The following LGSN variants were observed in gnomAD, a reference collection of about 807,000 sequenced individuals.
LGSN encodes lengsin, lens protein with glutamine synthetase domain, also known as lengsin.
A neutral mutation model predicts 19.5 loss-of-function variants in LGSN; 21 were observed. That is an observed-to-expected ratio of 1.07 (90% confidence interval 0.76 to 1.55). The LOEUF (loss-of-function observed/expected upper bound fraction) is 1.55, where lower values mean the gene tolerates loss of function less well. Ranked by LOEUF, LGSN falls within the 40% of genes most tolerant of loss-of-function variation. The pLI is 0.00. For missense variants in LGSN, 673 were observed against 608.5 expected (o/e 1.11, Z -1.12); for synonymous variants, 257 against 215.6 (o/e 1.19, Z -1.68).
chr6:63,463,661 C>T, the LGSN span, among the ~76,000 whole-genome samples: 1 of 152,118 alleles, frequency 6.6e-6, no homozygotes, highest in South Asian at 2.1e-4. Flanking sequence ...TTTGGGAAAC[C>T]ATGTTGCTGG....
At chr6:63,391,782 C>G in the LGSN span, among the ~76,000 whole-genome samples, 1 of 152,076 alleles carries the variant, frequency 6.6e-6, no homozygotes, top group African/African-American at 2.4e-5. Context: ...TAAGTCATTG[C>G]TGGTCCAGAA....
At chr6:63,443,644 C>G in the LGSN span, 11 of 857,932 alleles carry the variant, frequency 1.3e-5, no homozygotes, top group South Asian at 4.9e-4. Flanking sequence ...GAATTGGGCT[C>G]TGCTGGACAC....
At chr6:63,552,079 A>C in the LGSN span, among the ~76,000 whole-genome samples, 6 of 152,174 alleles carry the variant, frequency 3.9e-5, no homozygotes, top group Non-Finnish European at 8.8e-5. Context: ...GGCTGGGTCA[A>C]ATGGTATTTC....
the LGSN span, chr6:63,441,567 C>A: frequency 2.3e-6 from 1 of 437,162 alleles, no homozygotes. Flanking sequence ...GGAAGTAGAA[C>A]GAGAGGCAGA....
chr6:63,435,924 A>G, the LGSN span, among the ~76,000 whole-genome samples: 64 of 144,900 alleles, frequency 4.4e-4, no homozygotes, highest in African/African-American at 1.6e-3. Flanking sequence ...AAAAAAAAAA[A>G]AAAGAAAAAC....
chr6:63,423,841 C>A, the LGSN span, among the ~76,000 whole-genome samples: 1 of 152,110 alleles, frequency 6.6e-6, no homozygotes, highest in Admixed American at 6.6e-5. Context: ...AGTTCGAGAC[C>A]ATCCTGGCCA....
chr6:63,567,912 C>T, the LGSN span, among the ~76,000 whole-genome samples: 1 of 152,182 alleles, frequency 6.6e-6, no homozygotes, highest in Non-Finnish European at 1.5e-5. Context: ...AGGGAGAGGG[C>T]TTCTACTCTT....
the LGSN span, among the ~76,000 whole-genome samples, chr6:63,474,404 C>T: frequency 2.6e-5 from 4 of 151,132 alleles, no homozygotes; most frequent in South Asian, 2.1e-4. Flanking sequence ...GTCAGGAGAT[C>T]GAGACCATCC....
the LGSN span, among the ~76,000 whole-genome samples, chr6:63,566,754 T>A: frequency 6.6e-6 from 1 of 152,286 alleles, no homozygotes; most frequent in Non-Finnish European, 1.5e-5. Context: ...GCTGCATTGA[T>A]GACTCCACAA....
the LGSN span, among the ~76,000 whole-genome samples, chr6:63,364,593 A>T: frequency 3.9e-5 from 6 of 152,226 alleles, no homozygotes; most frequent in African/African-American, 9.6e-5. Flanking sequence ...AACCTAATAG[A>T]CATCTACATA....
chr6:63,381,420 C>T, the LGSN span, among the ~76,000 whole-genome samples: 2 of 152,154 alleles, frequency 1.3e-5, no homozygotes, highest in Non-Finnish European at 2.9e-5. Flanking sequence ...AAATGCTTGA[C>T]CTTGGTACTG....
At chr6:63,495,036 T>C in the LGSN span, among the ~76,000 whole-genome samples, 1 of 152,202 alleles carries the variant, frequency 6.6e-6, no homozygotes, top group Non-Finnish European at 1.5e-5. Context: ...TTTCATTGTC[T>C]ATTAACCTAT....
chr6:63,296,656 G>A (rs1250623658), intron 1 of LGSN, among the ~76,000 whole-genome samples: 1 of 151,964 alleles, frequency 6.6e-6, no homozygotes, highest in Non-Finnish European at 1.5e-5. Flanking sequence ...AAGGAATTGG[G>A]TGACATAAAC....
rs570166650 is a variant in LGSN, at chr6:63,276,867, T to C, written c.*3154A>G. 6.6e-6 allele frequency: 1 copy of C among 152,308 alleles called. No homozygotes were observed. The highest frequency in any genetic ancestry group is 2.4e-5 in the African/African-American group (1 of 41,572). 9.4% of individuals were successfully genotyped at this position (152,308 alleles called of 1,614,324 possible). A position where few individuals can be genotyped will look rare whatever the true frequency, so the allele number is the denominator to read the frequency against. ...AAAGCCTATGAACAGATGAAAGAAA[T>C]AGAAAAATAGATAACTGATTTTTAC... On this transcript the variant is annotated 3_prime_UTR_variant, in exon 4 of 4. Coordinates refer to ENST00000370657, the MANE Select transcript of LGSN (RefSeq NM_016571.3).
the LGSN span, among the ~76,000 whole-genome samples, chr6:63,336,750 C>T: frequency 6.6e-6 from 1 of 150,748 alleles, no homozygotes; most frequent in Non-Finnish European, 1.5e-5. Context: ...CTCAGCATCC[C>T]GCGTAGTAGC....
chr6:63,549,093 C>A, the LGSN span: 1 of 708,000 alleles, frequency 1.4e-6, no homozygotes, highest in East Asian at 2.6e-5. Context: ...GGTGTTAACT[C>A]CTGCTCGAAG....
chr6:63,466,849 C>T, the LGSN span, among the ~76,000 whole-genome samples: 6 of 151,826 alleles, frequency 4.0e-5, no homozygotes, highest in Non-Finnish European at 8.8e-5. Flanking sequence ...ATTAGACATC[C>T]AATGAGGATA....
chr6:63,437,982 C>T, the LGSN span, among the ~76,000 whole-genome samples: 1 of 152,164 alleles, frequency 6.6e-6, no homozygotes, highest in East Asian at 1.9e-4. Flanking sequence ...AATTTAGTCT[C>T]TCTCCGTACT....
the LGSN span, among the ~76,000 whole-genome samples, chr6:63,445,124 A>G: frequency 6.6e-6 from 1 of 152,210 alleles, no homozygotes; most frequent in African/African-American, 2.4e-5. Flanking sequence ...CAGCCTGACC[A>G]ACGTGGTGAA....
Sources: gnomAD v4.1 joint callset for allele counts (sites outside exome capture counted in the v4.1 genomes callset) on GRCh38, gnomAD v4.1.1 for gene constraint, MANE v1.5 for transcripts, NCBI Gene and HGNC (gene_info 2026-07-23, HGNC 2026-07-21) for gene names.